CA10: variants seen among roughly 807,000 people sequenced by gnomAD.
CA10 encodes carbonic anhydrase 10 (inactive).
In CA10, 14 loss-of-function variants were observed where a neutral mutation model predicts 44.2. The observed-to-expected ratio is 0.32, with a 90% CI of 0.21 to 0.50. The LOEUF (loss-of-function observed/expected upper bound fraction) is 0.50, where lower values mean the gene tolerates loss of function less well. Ranked by LOEUF, CA10 falls within the 20% of genes least tolerant of loss-of-function variation. CA10 has a pLI of 0.99. For missense variants in CA10, 350 were observed against 409.7 expected (o/e 0.85, Z 1.26); for synonymous variants, 159 against 141.6 (o/e 1.12, Z -0.87).
At chr17:51,715,887 A>C (rs953619170) in intron 4 of CA10, among the ~76,000 whole-genome samples, 2 of 152,060 alleles carry the variant, frequency 1.3e-5, no homozygotes, top group Non-Finnish European at 2.9e-5. Context: ...ACGGGGTTTC[A>C]CCATGTTGGC....
At chr17:51,717,678 T>C (rs1208587675) in intron 4 of CA10, among the ~76,000 whole-genome samples, 665 of 41,256 alleles carry the variant, frequency 0.016, 79 homozygotes, top group African/African-American at 0.043. Flanking sequence ...TGTATATATG[T>C]ATATATGTAT....
intron 3 of CA10, among the ~76,000 whole-genome samples, chr17:51,906,470 G>T (rs1279609688): frequency 6.6e-6 from 1 of 152,024 alleles, no homozygotes; most frequent in Non-Finnish European, 1.5e-5. Flanking sequence ...TGCCTTCCCT[G>T]CCTGCCAATC....
At position 51,652,996 on chromosome 17, in the gene CA10, A is replaced by C. The variant is rs1913635782; in HGVS notation, c.561+645T>G. ...CTACATCTGCTAAAATGTTAAAGGT[A>C]ATTAGTATTTTTTTTTAAACAAATT... On this transcript the variant is annotated intron_variant, in intron 5 of 8. Coordinates refer to ENST00000451037, the MANE Select transcript of CA10 (RefSeq NM_020178.5). Among the ~76,000 whole-genome samples, 4 of 102,704 alleles carry C rather than the reference A, an allele frequency of 3.9e-5. No homozygotes were observed. In the South Asian group the frequency reaches 1.2e-3, roughly 30 times the overall value. The allele number at this position is 102,704 out of a possible 152,430, so 67.4% of individuals were successfully genotyped here.
chr17:52,140,862 A>G (rs896388322), intron 1 of CA10, among the ~76,000 whole-genome samples: 1 of 152,096 alleles, frequency 6.6e-6, no homozygotes, highest in African/African-American at 2.4e-5. Flanking sequence ...GAGCCTGGTA[A>G]AGCTCATTCA....
At chr17:51,964,482 C>T (rs1378211061) in intron 2 of CA10, among the ~76,000 whole-genome samples, 2 of 151,848 alleles carry the variant, frequency 1.3e-5, no homozygotes, top group East Asian at 3.9e-4. Flanking sequence ...ATGGAACATA[C>T]AACAAGATTG....
chr17:52,129,006 A>G (rs538655501), intron 1 of CA10, among the ~76,000 whole-genome samples: 12 of 152,164 alleles, frequency 7.9e-5, no homozygotes, highest in Non-Finnish European at 1.2e-4. Flanking sequence ...TTCGAATGGT[A>G]ACTGAAATAA....
At chr17:51,868,024 A>G (rs533682271) in intron 3 of CA10, among the ~76,000 whole-genome samples, 1 of 152,050 alleles carries the variant, frequency 6.6e-6, no homozygotes, top group Non-Finnish European at 1.5e-5. Context: ...TTCTTTAAAC[A>G]ATTCTATCAC....
chr17:51,749,783 G>A (rs1191992418), intron 3 of CA10, among the ~76,000 whole-genome samples: 1 of 152,182 alleles, frequency 6.6e-6, no homozygotes, highest in Non-Finnish European at 1.5e-5. Flanking sequence ...TGAGGCAGAT[G>A]TCCCAACATT....
chr17:51,886,402 C>T (rs1188149511), intron 3 of CA10, among the ~76,000 whole-genome samples: 4 of 152,142 alleles, frequency 2.6e-5, no homozygotes, highest in Non-Finnish European at 5.9e-5. Context: ...AACTTGAATG[C>T]TTTTAAAAAA....
At chr17:51,685,661 A>G (rs535170541) in intron 4 of CA10, among the ~76,000 whole-genome samples, 1 of 152,214 alleles carries the variant, frequency 6.6e-6, no homozygotes, top group Non-Finnish European at 1.5e-5. Context: ...GGAACAAACA[A>G]TCAGAAGGAG....
intron 1 of CA10, among the ~76,000 whole-genome samples, chr17:52,098,482 C>A (rs1157140180): frequency 6.6e-6 from 1 of 152,142 alleles, no homozygotes; most frequent in Admixed American, 6.5e-5. Flanking sequence ...TCTGACCCAA[C>A]AATAACGACC....
intron 2 of CA10, among the ~76,000 whole-genome samples, chr17:51,946,247 T>C (rs1404688677): frequency 2.0e-5 from 3 of 152,130 alleles, no homozygotes; most frequent in Admixed American, 6.5e-5. Flanking sequence ...GTAATTACAG[T>C]TAAAAACAAT....
At chr17:51,662,710 C>T (rs1477353488) in intron 4 of CA10, among the ~76,000 whole-genome samples, 5 of 152,214 alleles carry the variant, frequency 3.3e-5, no homozygotes, top group African/African-American at 9.6e-5. Flanking sequence ...TGGGTCTGTC[C>T]GGTGATGAGA....
intron 4 of CA10, among the ~76,000 whole-genome samples, chr17:51,736,503 G>C (rs980430962): frequency 6.6e-6 from 1 of 152,104 alleles, no homozygotes; most frequent in Non-Finnish European, 1.5e-5. Context: ...GTGGCCCCTG[G>C]GCCTTCCCCT....
At chr17:52,036,481 T>C (rs1442818506) in intron 2 of CA10, among the ~76,000 whole-genome samples, 1 of 152,150 alleles carries the variant, frequency 6.6e-6, no homozygotes, top group Non-Finnish European at 1.5e-5. Flanking sequence ...GAGAATTACC[T>C]GGTTTCTTGA....
chr17:52,156,087 C>A (rs577296823), intron 1 of CA10, among the ~76,000 whole-genome samples: 4 of 152,250 alleles, frequency 2.6e-5, no homozygotes, highest in Admixed American at 6.5e-5. Flanking sequence ...CTTTATAAAT[C>A]TTAAAGGTAC....
At position 51,776,470 on chromosome 17, in the gene CA10, C is replaced by T. The variant is rs960801069; in HGVS notation, c.280-28652G>A. ...AGTTTTAAGAATATAGACCATTTAG[C>T]TCAATCTATCCCAAAGATGATCATT... On this transcript the variant is annotated intron_variant, in intron 3 of 8. Coordinates refer to ENST00000451037, the MANE Select transcript of CA10 (RefSeq NM_020178.5). Among the ~76,000 whole-genome samples the T allele has an allele frequency of 2.0e-5, 3 of 152,174 alleles. No individual in the cohort carries two copies. In the East Asian group the frequency reaches 5.8e-4, roughly 29 times the overall value.
chr17:51,796,472 C>G, intron 3 of CA10, among the ~76,000 whole-genome samples: 1 of 152,108 alleles, frequency 6.6e-6, no homozygotes, highest in African/African-American at 2.4e-5. Context: ...AATCTATATT[C>G]TATGGGGTGG....
At chr17:51,842,738 T>C (rs1295931649) in intron 3 of CA10, among the ~76,000 whole-genome samples, 4 of 152,002 alleles carry the variant, frequency 2.6e-5, no homozygotes, top group African/African-American at 9.7e-5. Context: ...GTAAGAGTCA[T>C]ATCAATGAAA....
Sources: allele counts gnomAD v4.1 joint callset (sites outside exome capture counted in the v4.1 genomes callset), GRCh38; gene constraint gnomAD v4.1.1; transcripts MANE v1.5; gene names NCBI Gene and HGNC (gene_info 2026-07-23, HGNC 2026-07-21).